Variants in RFPL2 observed in about 807,000 individuals in gnomAD.
RFPL2 encodes ret finger protein-like 2.
RFPL2 carries 13 observed loss-of-function variants against 17.8 expected under a neutral mutation model. The observed-to-expected ratio is 0.73, with a 90% CI of 0.47 to 1.16. RFPL2 has a LOEUF of 1.16. Ranked by LOEUF, RFPL2 falls within the 50% of genes most tolerant of loss-of-function variation. The probability of loss-of-function intolerance (pLI) is 0.00; values close to 1 mark genes in which losing one functional copy is unlikely to be tolerated. For synonymous variants in RFPL2, 189 were observed against 180.9 expected (o/e 1.04, Z -0.36); for missense variants, 431 against 479.3 (o/e 0.90, Z 0.94).
At chr22:32,193,862 C>CAAAAAAA (rs136481) in intron 3 of RFPL2, among the ~76,000 whole-genome samples, 3 of 71,954 alleles carry the variant, frequency 4.2e-5, no homozygotes, top group South Asian at 5.3e-4. Flanking sequence ...GACACCATCT[C>CAAAAAAA]AAAAAAAAAA....
intron 3 of RFPL2, 98 bp downstream of exon 3, chr22:32,194,247 A>G: frequency 7.1e-7 from 1 of 1,406,678 alleles, no homozygotes. Context: ...CCTTTGTTGA[A>G]TTCATTAATT....
At chr22:32,195,356 T>G (rs1228129667) in intron 2 of RFPL2, among the ~76,000 whole-genome samples, 1 of 152,232 alleles carries the variant, frequency 6.6e-6, no homozygotes, top group African/African-American at 2.4e-5. Context: ...AGTTGACATG[T>G]AATAATTGTA....
intron 1 of RFPL2, among the ~76,000 whole-genome samples, chr22:32,204,265 T>C (rs979528760): frequency 6.6e-6 from 1 of 150,834 alleles, no homozygotes; most frequent in Middle Eastern, 3.2e-3. Context: ...TTCCCTGCCA[T>C]GCGCACTGAT....
chr22:32,191,213 G>A lies in RFPL2; in HGVS notation c.696C>T (p.Gly232=), dbSNP rs1922598131. The change falls in exon 5 of 5, where the codon GGC becomes GGT. Residue 232 remains glycine, a synonymous_variant. Transcript: ENST00000652607. Reference sequence around the variant, plus strand: ...GGCGGCCACAGGTAAAGCGAGGGGAGCCCAGGATGCAAACGGACACGTCAA... The same window carrying A: ...GGCGGCCACAGGTAAAGCGAGGGGAACCCAGGATGCAAACGGACACGTCAA... ...ERFDVSVCIL[G]SPRFTCGRHC... The A allele has an allele frequency of 6.2e-7, 1 of 1,613,836 alleles. No homozygotes were observed. The highest frequency in any genetic ancestry group is 8.5e-7 in the Non-Finnish European group (1 of 1,179,882).
chr22:32,193,431 G>A (rs5998291), intron 3 of RFPL2: 40,126 of 1,477,654 alleles, frequency 0.027, 706 homozygotes, highest in Admixed American at 0.079. Flanking sequence ...TGGAGGAAGC[G>A]TCCATTCTCC....
In RFPL2 at chr22:32,200,236, C is replaced by T. The variant is rs62239007; in HGVS notation, c.119+2097G>A. On this transcript the variant is annotated intron_variant, in intron 2 of 4. Coordinates refer to ENST00000652607, the MANE Select transcript of RFPL2 (RefSeq NM_001394555.1). ...GTGGCCCCTGAAGAATGTTCTTAGG[C>T]CCCTGACCCTCGCCCCACCCATGGG... 1,887 of 302,950 alleles carry T rather than the reference C, an allele frequency of 6.2e-3. 12 individuals carry two copies. The highest frequency in any genetic ancestry group is 9.2e-3 in the Non-Finnish European group (1,390 of 150,920). 18.8% of individuals were successfully genotyped at this position (302,950 alleles called of 1,614,324 possible). A position where few individuals can be genotyped will look rare whatever the true frequency, so the allele number is the denominator to read the frequency against.
intron 1 of RFPL2, among the ~76,000 whole-genome samples, chr22:32,203,843 G>T (rs981026168): frequency 7.4e-5 from 11 of 149,410 alleles, no homozygotes; most frequent in Admixed American, 1.3e-4. Context: ...GGGAAATGAC[G>T]CCCGGGATAA....
At chr22:32,200,470 A>T (rs1923800620) in intron 2 of RFPL2, among the ~76,000 whole-genome samples, 1 of 152,074 alleles carries the variant, frequency 6.6e-6, no homozygotes, top group African/African-American at 2.4e-5. Context: ...ACCCAGTGGG[A>T]TAGTAGCCCA....
At position 32,199,764 on chromosome 22, in the gene RFPL2, G is replaced by T. The variant is rs544758608; in HGVS notation, c.119+2569C>A. 2.3e-4 allele frequency among the ~76,000 whole-genome samples: 35 copies of T among 152,314 alleles called. No homozygotes were observed. The South Asian group carries it at 7.0e-3, about 31-fold the overall frequency. Reference sequence around the variant, plus strand: ...CCTGAATGACAGAGATTTGTTTTAGGAACATTGTGTGACACCCTTCTGAGA... The same window carrying T: ...CCTGAATGACAGAGATTTGTTTTAGTAACATTGTGTGACACCCTTCTGAGA... On this transcript the variant is annotated intron_variant, in intron 2 of 4. Coordinates refer to ENST00000652607, the MANE Select transcript of RFPL2 (RefSeq NM_001394555.1).
intron 2 of RFPL2, among the ~76,000 whole-genome samples, chr22:32,200,394 T>G (rs1923791876): frequency 6.6e-6 from 1 of 152,078 alleles, no homozygotes; most frequent in Non-Finnish European, 1.5e-5. Context: ...TCTCTTCATT[T>G]CTTAGCTAAC....
In RFPL2 at chr22:32,202,045, G is replaced by A. The variant is rs562868172; in HGVS notation, c.119+288C>T. Among the ~76,000 whole-genome samples the A allele has an allele frequency of 3.9e-5, 6 of 152,254 alleles. No homozygotes were observed. The South Asian group carries it at 6.2e-4, about 16-fold the overall frequency. On this transcript the variant is annotated intron_variant, in intron 2 of 4. Transcript: ENST00000652607. ...GTGCCAGCAGGGCCGGGCTCCTTCC[G>A]GGGGCTCTGAGACAAATCCATTTCC...
At chr22:32,204,638 C>T (rs1263675225) in intron 1 of RFPL2, among the ~76,000 whole-genome samples, 69 bp downstream of exon 1, 1 of 152,216 alleles carries the variant, frequency 6.6e-6, no homozygotes, top group Non-Finnish European at 1.5e-5. Flanking sequence ...CCACCAACGG[C>T]AGCGAGCCGA....
At position 32,191,259 on chromosome 22, in the gene RFPL2, C is replaced by G; in HGVS notation, c.650G>C (p.Arg217Pro). 6.2e-7 allele frequency: 1 copy of G among 1,613,934 alleles called. No individual in the cohort carries two copies. Among genetic ancestry groups the G allele is most frequent in the Non-Finnish European group, 8.5e-7 (1 of 1,179,870 alleles). ...SVRSGRIRQN[R>P]QDLAERFDVS... The stretch of plus-strand genomic sequence containing the variant: ...GTCAAATCTCTCGGCAAGGTCTTGC[C>G]GATTCTGTCTGATGCGCCCACTTCG... Residue 217 changes from arginine (R) to proline (P), a missense_variant, in exon 5 of 5, where the codon CGG becomes CCG. Arg to Pro is a moderately radical substitution (Grantham distance 103, BLOSUM62 -2). Transcript: ENST00000652607.
At position 32,190,675 on chromosome 22, in the gene RFPL2, G is replaced by A. The variant is rs1254750822; in HGVS notation, c.*97C>T. 1.1e-5 allele frequency: 14 copies of A among 1,247,964 alleles called. No homozygotes were observed. The highest frequency in any genetic ancestry group is 1.8e-5 in the South Asian group (1 of 55,128). The allele number at this position is 1,247,964 out of a possible 1,614,324, so 77.3% of individuals were successfully genotyped here. On this transcript the variant is annotated 3_prime_UTR_variant, in exon 5 of 5. Transcript: ENST00000652607. ...AAGAAATGTCCCATATTTTTCTCCC[G>A]TGACTTTGTATAATGCTTTTACGAA...
At position 32,190,579 on chromosome 22, in the gene RFPL2, A is replaced by G. The variant is rs1922464485; in HGVS notation, c.*193T>C. 4.1e-6 allele frequency: 2 copies of G among 489,498 alleles called. No homozygotes were observed. Among genetic ancestry groups the G allele is most frequent in the East Asian group, 3.3e-5 (1 of 30,352 alleles). The allele number at this position is 489,498 out of a possible 1,614,324, so 30.3% of individuals were successfully genotyped here. ...AAACAAGATGTGAACCATAGGACTC[A>G]ATGAGTTTGATGGTGGCAATAATTA... On this transcript the variant is annotated 3_prime_UTR_variant, in exon 5 of 5. Coordinates refer to ENST00000652607, the MANE Select transcript of RFPL2 (RefSeq NM_001394555.1).
intron 2 of RFPL2, among the ~76,000 whole-genome samples, chr22:32,201,259 T>C (rs914201670): frequency 2.6e-5 from 4 of 152,030 alleles, no homozygotes; most frequent in Non-Finnish European, 5.9e-5. Context: ...AGGATGGTCT[T>C]GATCTCCTGA....
At chr22:32,197,936 T>A (rs1003522901) in intron 2 of RFPL2, among the ~76,000 whole-genome samples, 1 of 152,150 alleles carries the variant, frequency 6.6e-6, no homozygotes, top group South Asian at 2.1e-4. Flanking sequence ...TGATAGGGGC[T>A]TGCTTCCAAC....
chr22:32,194,524 T>G lies in RFPL2; in HGVS notation c.120-34A>C. 4 of 1,585,540 alleles carry G rather than the reference T, an allele frequency of 2.5e-6. No homozygotes were observed. The South Asian group carries it at 4.6e-5, about 18-fold the overall frequency. ...TAATTATAACAGGGAATTAGGTTTTTACTGGTGATATATCTCCAGTTAATT... is the reference window on the plus strand; with the variant it reads ...TAATTATAACAGGGAATTAGGTTTTGACTGGTGATATATCTCCAGTTAATT... On this transcript the variant is annotated intron_variant, in intron 2 of 4. Transcript: ENST00000652607.
intron 2 of RFPL2, among the ~76,000 whole-genome samples, chr22:32,196,468 A>G (rs1446655875): frequency 6.6e-6 from 1 of 152,194 alleles, no homozygotes; most frequent in Non-Finnish European, 1.5e-5. Context: ...CTTGGGAGAC[A>G]GTGTGTAGGG....
Sources: allele counts gnomAD v4.1 joint callset (sites outside exome capture counted in the v4.1 genomes callset), GRCh38; gene constraint gnomAD v4.1.1; transcripts MANE v1.5; gene names NCBI Gene and HGNC (gene_info 2026-07-23, HGNC 2026-07-21).